Variants in RFX4 observed in about 807,000 individuals in gnomAD.
RFX4 encodes transcription factor RFX4.
In RFX4, 10 loss-of-function variants were observed where a neutral mutation model predicts 95.0. The observed-to-expected ratio is 0.11, with a 90% CI of 0.06 to 0.18. The LOEUF is 0.18. Among genes scored for constraint, RFX4 ranks in the 10% least tolerant of loss-of-function variants. The pLI is 1.00. For missense variants in RFX4, 640 were observed against 922.0 expected (o/e 0.69, Z 3.96); for synonymous variants, 321 against 340.7 (o/e 0.94, Z 0.64).
chr12:106,601,459 T>A, intron 1 of RFX4: 1 of 1,135,878 alleles, frequency 8.8e-7, no homozygotes, highest in Non-Finnish European at 1.2e-6. Context: ...CTCTTTTATG[T>A]AGCGTTTCTG....
intron 3 of RFX4, among the ~76,000 whole-genome samples, chr12:106,650,548 C>T (rs930340145): frequency 2.2e-4 from 33 of 152,256 alleles, no homozygotes; most frequent in African/African-American, 7.5e-4. Context: ...GCCTGGCCAA[C>T]ATGGAGAAAC....
chr12:106,602,678 C>G (rs1439961637), intron 1 of RFX4, among the ~76,000 whole-genome samples: 1 of 152,194 alleles, frequency 6.6e-6, no homozygotes, highest in Non-Finnish European at 1.5e-5. Context: ...GTGGTCCCCT[C>G]TCTCTGAATC....
At chr12:106,611,577 C>G (rs1041461904) in intron 2 of RFX4, among the ~76,000 whole-genome samples, 2 of 151,350 alleles carry the variant, frequency 1.3e-5, no homozygotes, top group Non-Finnish European at 2.9e-5. Context: ...GTGGCGCTGT[C>G]TCGGCTCACT....
chr12:106,721,787 T>G (rs529224026), intron 13 of RFX4, among the ~76,000 whole-genome samples: 1 of 152,362 alleles, frequency 6.6e-6, no homozygotes, highest in Admixed American at 6.5e-5. Flanking sequence ...TTATCTCCAA[T>G]TAAGCCAATC....
chr12:106,618,256 A>G (rs1230857248), intron 2 of RFX4, among the ~76,000 whole-genome samples: 1 of 152,096 alleles, frequency 6.6e-6, no homozygotes, highest in African/African-American at 2.4e-5. Flanking sequence ...TAGATTAACA[A>G]CAGTGAAGTT....
chr12:106,660,826 T>A (rs891575976), intron 4 of RFX4, among the ~76,000 whole-genome samples: 2 of 152,110 alleles, frequency 1.3e-5, no homozygotes, highest in African/African-American at 2.4e-5. Flanking sequence ...AGAACCCTAT[T>A]GTGAACTGCG....
At chr12:106,658,319 A>G (rs550296327) in intron 4 of RFX4, among the ~76,000 whole-genome samples, 18 of 152,248 alleles carry the variant, frequency 1.2e-4, no homozygotes, top group African/African-American at 3.6e-4. Flanking sequence ...ATTTTTACTT[A>G]CTTTGAAGAA....
chr12:106,602,188 C>G (rs2039725834), intron 1 of RFX4, among the ~76,000 whole-genome samples: 1 of 152,210 alleles, frequency 6.6e-6, no homozygotes. Flanking sequence ...AGTCAAGTCT[C>G]TGCTTCAGTT....
intron 3 of RFX4, among the ~76,000 whole-genome samples, chr12:106,646,895 C>A (rs1428062018): frequency 6.6e-6 from 1 of 152,196 alleles, no homozygotes; most frequent in Non-Finnish European, 1.5e-5. Context: ...ATGTCAGTGT[C>A]CACACAAATG....
chr12:106,629,390 G>A (rs2137256526), intron 2 of RFX4, among the ~76,000 whole-genome samples: 1 of 152,284 alleles, frequency 6.6e-6, no homozygotes, highest in Non-Finnish European at 1.5e-5. Flanking sequence ...TGGGGCTGCT[G>A]GATAAAGGGT....
At chr12:106,610,820 C>T (rs1008217277) in intron 2 of RFX4, among the ~76,000 whole-genome samples, 10 of 152,136 alleles carry the variant, frequency 6.6e-5, no homozygotes, top group Admixed American at 2.0e-4. Flanking sequence ...ATTCTTTTGG[C>T]GGTATATACC....
At chr12:106,656,251 A>G (rs1261397237) in intron 4 of RFX4, among the ~76,000 whole-genome samples, 1 of 152,248 alleles carries the variant, frequency 6.6e-6, no homozygotes, top group Non-Finnish European at 1.5e-5. Context: ...TAACTTAAAC[A>G]AAATAATAAC....
intron 1 of RFX4, among the ~76,000 whole-genome samples, chr12:106,594,909 C>A (rs73188510): frequency 0.054 from 8,189 of 152,066 alleles, 253 homozygotes; most frequent in Non-Finnish European, 0.073. Context: ...GGGAGGGGGA[C>A]CCCAAGGGAG....
In RFX4 at chr12:106,732,181, T is replaced by C; in HGVS notation, c.1403T>C (p.Leu468Ser). 6.2e-7 allele frequency: 1 copy of C among 1,614,054 alleles called. No homozygotes were observed. Among genetic ancestry groups the C allele is most frequent in the Non-Finnish European group, 8.5e-7 (1 of 1,179,924 alleles). The change falls in exon 14 of 18, where the codon TTA becomes TCA. Residue 468 changes from leucine (L) to serine (S), a missense_variant. By Grantham distance (145) the Leu-to-Ser change is moderately radical. Around this residue, in one of 7 missense-constraint regions of RFX4, gnomAD observed 300 missense variants for 346.8 expected, o/e 0.87. Transcript: ENST00000392842. ...TTTGATGACTACGTGCTCTACCTGT[T>C]AGAATCTCTGCACTGTCAGGAGCGG... Reference protein sequence around the residue: ...LMFDDYVLYLLESLHCQERAN... With the variant: ...LMFDDYVLYLSESLHCQERAN...
Position 106,715,516 on chromosome 12 carries a change from C to T in RFX4, c.1110C>T (p.Arg370=), listed in dbSNP as rs772394863. The T allele has an allele frequency of 8.7e-6, 14 of 1,614,058 alleles. No homozygotes were observed. Among genetic ancestry groups the T allele is most frequent in the African/African-American group, 1.3e-5 (1 of 74,914 alleles). ...KQTLYTMEDS[R]DEHRKLITQL... ...CCCTTTACACCATGGAAGACTCTCGCGATGAGCACCGGAAACTCATCACCC... is the reference window on the plus strand; with the variant it reads ...CCCTTTACACCATGGAAGACTCTCGTGATGAGCACCGGAAACTCATCACCC... Residue 370 remains arginine, a synonymous_variant, in exon 11 of 18, where the codon CGC becomes CGT. Coordinates refer to ENST00000392842, the MANE Select transcript of RFX4 (RefSeq NM_213594.3).
intron 8 of RFX4, among the ~76,000 whole-genome samples, chr12:106,698,402 C>T (rs572816482): frequency 3.3e-5 from 5 of 151,982 alleles, no homozygotes; most frequent in East Asian, 1.9e-4. Flanking sequence ...CCCCAGCCTG[C>T]GGAGTAGCTA....
chr12:106,639,266 G>C (rs1002058772), intron 2 of RFX4, 66 bp from the exon 3 acceptor site: 3 of 1,357,230 alleles, frequency 2.2e-6, no homozygotes, highest in African/African-American at 2.9e-5. Flanking sequence ...TGGGAGAGTC[G>C]AGAGGACTTT....
intron 2 of RFX4, among the ~76,000 whole-genome samples, chr12:106,630,218 C>T (rs1256821038): frequency 2.0e-5 from 3 of 152,020 alleles, no homozygotes; most frequent in Non-Finnish European, 2.9e-5. Flanking sequence ...GAGTCATTAT[C>T]TTTGTACTCA....
intron 4 of RFX4, among the ~76,000 whole-genome samples, chr12:106,654,693 A>T (rs2040921423): frequency 6.6e-6 from 1 of 152,192 alleles, no homozygotes; most frequent in Non-Finnish European, 1.5e-5. Context: ...AGTCATGTGG[A>T]TGCCTGGAGA....
Sources: allele counts gnomAD v4.1 joint callset (sites outside exome capture counted in the v4.1 genomes callset), GRCh38; gene constraint gnomAD v4.1.1; regional missense constraint gnomAD v4.1.1; transcripts MANE v1.5; gene names NCBI Gene and HGNC (gene_info 2026-07-23, HGNC 2026-07-21).